Variants in PRSS55 observed in about 807,000 individuals in gnomAD.
PRSS55 encodes probable serine protease UNQ9391/PRO34284.
In PRSS55, 41 loss-of-function variants were observed where a neutral mutation model predicts 23.6. The ratio of observed to expected loss-of-function variants is 1.74; its 90% CI spans 1.35 to 2.26. The LOEUF (loss-of-function observed/expected upper bound fraction) is 2.26. Ranked by LOEUF, PRSS55 falls within the 30% of genes most tolerant of loss-of-function variation. The pLI is 0.00. For missense variants in PRSS55, 669 were observed against 439.1 expected, an observed-to-expected ratio of 1.52 and a Z score of -4.68; for synonymous variants, 262 against 175.5, an observed-to-expected ratio of 1.49 and a Z score of -3.90.
At chr8:10,526,356 G>A (rs1490295510) in intron 1 of PRSS55, among the ~76,000 whole-genome samples, 1 of 152,232 alleles carries the variant, frequency 6.6e-6, no homozygotes, top group African/African-American at 2.4e-5. Context: ...AGGGGGAAAT[G>A]ATAGAGCTGT....
chr8:10,545,183 A>G (rs916217302), intron 4 of PRSS55: 2 of 173,548 alleles, frequency 1.2e-5, no homozygotes, highest in African/African-American at 4.9e-5. Flanking sequence ...ATGAACAAAT[A>G]AAATGCAAGC....
intron 4 of PRSS55, among the ~76,000 whole-genome samples, chr8:10,533,301 G>A (rs1026011204): frequency 6.6e-6 from 1 of 150,984 alleles, no homozygotes; most frequent in African/African-American, 2.4e-5. Context: ...AGGTAAAAAG[G>A]ACGCCAAGGC....
At position 10,525,726 on chromosome 8, in the gene PRSS55, C is replaced by A. The variant is rs768523917; in HGVS notation, c.141C>A (p.Pro47=). The change falls in exon 1 of 5, where the codon CCC becomes CCA. Residue 47 remains proline (P), a synonymous_variant. Coordinates refer to ENST00000328655, the MANE Select transcript of PRSS55 (RefSeq NM_198464.4). ...ACCGCCCTCAGCCCCCTCATCCCCC[C>A]AGCCCAGTCAGTGGTGAGTACAGGG... ...GAHRPQPPHP[P]SPVSECGDRS... 4 of 1,607,140 alleles carry A rather than the reference C, an allele frequency of 2.5e-6. No homozygotes were observed. The highest frequency in any genetic ancestry group is 1.1e-5 in the South Asian group (1 of 90,012).
Position 10,525,660 on chromosome 8 carries a change from A to G in PRSS55, c.75A>G (p.Pro25=). Residue 25 remains proline (P), a synonymous_variant, in exon 1 of 5, where the codon CCA becomes CCG. Coordinates refer to ENST00000328655, the MANE Select transcript of PRSS55 (RefSeq NM_198464.4). ...AGCTCGGTCCACGGACTCCTCTCCC[A>G]GAGGCTGGAGTGGCTATCCTAGGCA... ...GTQLGPRTPL[P]EAGVAILGRA... is the part of the protein sequence containing the mutation. The G allele has an allele frequency of 6.2e-7, 1 of 1,614,108 alleles. No homozygotes were observed.
chr8:10,552,290 T>A (rs542791240), intron 4 of PRSS55, among the ~76,000 whole-genome samples: 1 of 152,338 alleles, frequency 6.6e-6, no homozygotes, highest in African/African-American at 2.4e-5. Context: ...GTGTTAATCA[T>A]GGCAAAGCTA....
chr8:10,544,667 ATTTTT>A (rs1812769357), intron 4 of PRSS55, among the ~76,000 whole-genome samples: 1 of 152,160 alleles, frequency 6.6e-6, no homozygotes, highest in South Asian at 2.1e-4. Flanking sequence ...TGCTAATTAT[ATTTTT>A]GAGTTGTTTT....
intron 4 of PRSS55, among the ~76,000 whole-genome samples, chr8:10,533,658 T>C (rs577828623): frequency 1.6e-4 from 25 of 152,290 alleles, no homozygotes; most frequent in South Asian, 1.0e-3. Context: ...AAAGGATGAA[T>C]GATGACATTT....
chr8:10,527,286 T>C (rs930099652), intron 1 of PRSS55, among the ~76,000 whole-genome samples: 2 of 152,236 alleles, frequency 1.3e-5, no homozygotes, highest in Admixed American at 1.3e-4. Flanking sequence ...CAATTTGTCA[T>C]GATGATAGAG....
At chr8:10,536,252 A>C (rs937937309) in intron 4 of PRSS55, among the ~76,000 whole-genome samples, 1 of 151,428 alleles carries the variant, frequency 6.6e-6, no homozygotes, top group Non-Finnish European at 1.5e-5. Flanking sequence ...CAAGCATATG[A>C]AAAAAAAATA....
At chr8:10,525,969 G>T (rs920316167) in intron 1 of PRSS55, among the ~76,000 whole-genome samples, 1 of 152,198 alleles carries the variant, frequency 6.6e-6, no homozygotes, top group African/African-American at 2.4e-5. Context: ...ATAGCAGGCT[G>T]CCCTGAAGCT....
rs779594803 is a variant in PRSS55 at position 10,529,563 on chromosome 8, G to T, written c.211G>T (p.Gly71Trp). Residue 71 changes from glycine to tryptophan, a missense_variant, in exon 2 of 5, where the codon GGG becomes TGG. Transcript: ENST00000328655. ...GRTRYSRITG[G>W]MEAEVGEFPW... is the part of the protein sequence containing the mutation. ...AACTCGGTATTCCAGAATCACAGGG[G>T]GGATGGAGGCGGAGGTGGGTGAGTT... 3 of 1,614,196 alleles carry T rather than the reference G, an allele frequency of 1.9e-6. No individual in the cohort carries two copies. The highest frequency in any genetic ancestry group is 1.7e-5 in the Admixed American group (1 of 60,026).
intron 4 of PRSS55, among the ~76,000 whole-genome samples, chr8:10,536,184 C>A (rs368515629): frequency 4.6e-5 from 7 of 151,998 alleles, no homozygotes; most frequent in African/African-American, 1.7e-4. Context: ...GAGACTCTGT[C>A]TCAAAAGGCA....
At chr8:10,540,100 T>C (rs10103140), downstream of PRSS55, among the ~76,000 whole-genome samples, 2,260 of 152,228 alleles carry the variant, frequency 0.015, 60 homozygotes, top group African/African-American at 0.051. Context: ...CCCCTCCGAG[T>C]TGCTTGCTGT....
At chr8:10,542,559 T>C (rs1239350774), downstream of PRSS55, among the ~76,000 whole-genome samples, 1 of 151,594 alleles carries the variant, frequency 6.6e-6, no homozygotes, top group Non-Finnish European at 1.5e-5. Flanking sequence ...AATTTGAGAG[T>C]AGCCCAAACG....
chr8:10,553,035 C>A (rs1199649250), intron 4 of PRSS55, among the ~76,000 whole-genome samples: 1 of 152,224 alleles, frequency 6.6e-6, no homozygotes, highest in Non-Finnish European at 1.5e-5. Flanking sequence ...CCACCCAAAT[C>A]TCATTTTGAA....
chr8:10,536,821 A>T (rs1346903887), intron 4 of PRSS55, among the ~76,000 whole-genome samples: 2 of 152,228 alleles, frequency 1.3e-5, no homozygotes, highest in African/African-American at 4.8e-5. Flanking sequence ...TGTTGAATAC[A>T]CATGGACACA....
At chr8:10,531,105 CT>C (rs1812241152) in intron 2 of PRSS55, among the ~76,000 whole-genome samples, 189 bp from the exon 3 acceptor site, 1 of 150,498 alleles carries the variant, frequency 6.6e-6, no homozygotes, top group Non-Finnish European at 1.5e-5. Flanking sequence ...ACCAGCTATT[CT>C]GTTTTGTTTT....
intron 4 of PRSS55, among the ~76,000 whole-genome samples, chr8:10,535,488 A>G (rs62492802): frequency 0.035 from 5,401 of 152,348 alleles, 136 homozygotes; most frequent in Non-Finnish European, 0.052. Flanking sequence ...TTTTCGATAA[A>G]TGGTGTTGGG....
At chr8:10,550,319 T>C (rs888855922) in intron 4 of PRSS55, among the ~76,000 whole-genome samples, 1 of 152,168 alleles carries the variant, frequency 6.6e-6, no homozygotes, top group East Asian at 1.9e-4. Context: ...TCCCAGCTCC[T>C]GAAATGCAAG....
Sources: allele counts gnomAD v4.1 joint callset (sites outside exome capture counted in the v4.1 genomes callset), GRCh38; gene constraint gnomAD v4.1.1; transcripts MANE v1.5; gene names NCBI Gene and HGNC (gene_info 2026-07-23, HGNC 2026-07-21).